Variants in PNPLA7 observed in about 807,000 individuals in gnomAD.
PNPLA7 encodes the protein patatin like domain 7, lysophospholipase, also known as patatin-like phospholipase domain-containing protein 7.
A neutral mutation model predicts 161.7 loss-of-function variants in PNPLA7; 153 were observed. That is an observed-to-expected ratio of 0.95 (90% CI 0.83 to 1.08). The LOEUF is 1.08. Ranked by LOEUF, PNPLA7 falls within the 50% of genes least tolerant of loss-of-function variation. PNPLA7 has a pLI of 0.00. For synonymous variants in PNPLA7, 809 were observed against 782.1 expected (o/e 1.03, Z -0.57); for missense variants, 1,739 against 1,856.6 (o/e 0.94, Z 1.16).
rs1197571043 is a variant in PNPLA7, at chr9:137,460,063, G to A, written c.*330C>T. On this transcript the variant is annotated 3_prime_UTR_variant, in exon 35 of 35. Coordinates refer to ENST00000406427, the MANE Select transcript of PNPLA7 (RefSeq NM_001098537.3). ...AGCAGGCAGTTCACAGGGCTTTGGG[G>A]GCCTCACAGGGCAGCAGGTGGTTCA... 1.0e-5 allele frequency: 3 copies of A among 294,628 alleles called. No homozygotes were observed. The highest frequency in any genetic ancestry group is 1.6e-4 in the East Asian group (2 of 12,450). 18.3% of individuals were successfully genotyped at this position (294,628 alleles called of 1,614,324 possible). A position where few individuals can be genotyped will look rare whatever the true frequency, so the allele number is the denominator to read the frequency against.
In PNPLA7 at chr9:137,490,749, T is replaced by C. The variant is rs1832723956; in HGVS notation, c.2197+2264A>G. 6.6e-6 allele frequency among the ~76,000 whole-genome samples: 1 copy of C among 152,184 alleles called. No homozygotes were observed. Among genetic ancestry groups the C allele is most frequent in the South Asian group, 2.1e-4 (1 of 4,830 alleles). On this transcript the variant is annotated intron_variant, in intron 20 of 34. Transcript: ENST00000406427. The surrounding 1 kb of genome is among the most constrained non-coding windows in gnomAD (Gnocchi z 4.1). ...AAATGAAAGAAGAGCAGGAGGACGG[T>C]GACCCTGGGTGAACATCACAGACTA...
chr9:137,523,220 G>C lies in PNPLA7; in HGVS notation c.748-363C>G, dbSNP rs368452791. ...CTACTCTACGTCCGACATCAGCGTC[G>C]GTACCCCTCGCCAAAGGGCGTGCCA... On this transcript the variant is annotated intron_variant, in intron 8 of 34. Coordinates refer to ENST00000406427, the MANE Select transcript of PNPLA7 (RefSeq NM_001098537.3). The surrounding 1 kb of genome is among the most constrained non-coding windows in gnomAD (Gnocchi z 4.4). Among the ~76,000 whole-genome samples, 3 of 152,188 alleles carry C rather than the reference G, an allele frequency of 2.0e-5. No individual in the cohort carries two copies. Among genetic ancestry groups the C allele is most frequent in the Admixed American group, 2.0e-4 (3 of 15,288 alleles).
intron 8 of PNPLA7, among the ~76,000 whole-genome samples, chr9:137,533,808 A>C (rs1835725591): frequency 6.8e-6 from 1 of 147,472 alleles, no homozygotes. Flanking sequence ...CCTCCCCAAC[A>C]GTGTCCACTC....
Position 137,467,431 on chromosome 9 carries a change from G to A in PNPLA7, c.2925C>T (p.Cys975=), listed in dbSNP as rs898670325. The A allele has an allele frequency of 8.1e-6, 13 of 1,613,102 alleles. No individual in the cohort carries two copies. Among genetic ancestry groups the A allele is most frequent in the Non-Finnish European group, 1.1e-5 (13 of 1,180,000 alleles). Residue 975 remains cysteine (C), a synonymous_variant, in exon 26 of 35, where the codon TGC becomes TGT. Transcript: ENST00000406427. The surrounding 1 kb of genome is among the most constrained non-coding windows in gnomAD (Gnocchi z 5.1). ...QVGVLKALAE[C]GIPVDMVGGT... ...CTCCCACCATGTCCACAGGGATGCC[G>A]CACTCCGCCAAGGCCTTGAGAACGC...
In PNPLA7 at chr9:137,497,242, T is replaced by G. The variant is rs141947742; in HGVS notation, c.1958A>C (p.Asp653Ala). 3.1e-6 allele frequency: 5 copies of G among 1,592,046 alleles called. No individual in the cohort carries two copies. In the African/African-American group the frequency reaches 4.1e-5, roughly 13 times the overall value. Residue 653 changes from aspartate (D) to alanine (A), a missense_variant, in exon 18 of 35, where the codon GAT (aspartate) becomes GCT (alanine). By Grantham distance (126) the Asp-to-Ala change is moderately radical. Around this residue, in one of 6 missense-constraint regions of PNPLA7, gnomAD observed 481 missense variants for 450.0 expected, o/e 1.07. Coordinates refer to ENST00000406427, the MANE Select transcript of PNPLA7 (RefSeq NM_001098537.3). ...SGRLRSVIRKDDGKKRLAGEY... is the reference protein window; with the variant it reads ...SGRLRSVIRKADGKKRLAGEY... The stretch of plus-strand genomic sequence containing the variant: ...CCCGGCCAGGCGCTTCTTCCCATCA[T>G]CCTTCCGGATCACAGAGCGCAGCCG...
At chr9:137,474,636 A>G (rs73567224) in intron 25 of PNPLA7, among the ~76,000 whole-genome samples, 412 of 152,320 alleles carry the variant, frequency 2.7e-3, no homozygotes, top group African/African-American at 9.1e-3. Context: ...AAAGTGGAAC[A>G]GAAGGACAGA....
rs55854515 is a variant in PNPLA7 at position 137,496,141 on chromosome 9, GTTT to G, written c.2014-998_2014-996del. Among the ~76,000 whole-genome samples, 367 of 138,244 alleles carry G rather than the reference GTTT, an allele frequency of 2.7e-3. 1 individual carries two copies. The highest frequency in any genetic ancestry group is 9.5e-3 in the African/African-American group (355 of 37,484). The allele number at this position is 138,244 out of a possible 152,430, so 90.7% of individuals were successfully genotyped here. ...TTCAGACGGAGTTTAGTTTTTTTTTGTTTTTTTTTTTTTGAGATAGAGTTTAGC... is the reference window on the plus strand; with the variant it reads ...TTCAGACGGAGTTTAGTTTTTTTTTGTTTTTTTTTTGAGATAGAGTTTAGC... On this transcript the variant is annotated intron_variant, in intron 18 of 34. Transcript: ENST00000406427.
chr9:137,546,767 T>A (rs1244766976), intron 4 of PNPLA7, 63 bp downstream of exon 4: 5 of 1,500,042 alleles, frequency 3.3e-6, no homozygotes, highest in Non-Finnish European at 4.6e-6. Flanking sequence ...GCAGAAGGGG[T>A]CCCTCCCACA....
Position 137,467,418 on chromosome 9 carries a change from C to G in PNPLA7, c.2938G>C (p.Asp980His), listed in dbSNP as rs2132081672. Reference protein sequence around the residue: ...KALAECGIPVDMVGGTSIGAF... With the variant: ...KALAECGIPVHMVGGTSIGAF... ...CCGATGGACGTGCCTCCCACCATGT[C>G]CACAGGGATGCCGCACTCCGCCAAG... is the stretch of plus-strand genomic sequence containing the variant. Residue 980 changes from aspartate to histidine, a missense_variant, in exon 26 of 35, where the codon GAC becomes CAC. Asp to His is a moderately conservative substitution (Grantham distance 81). This residue lies in a region of PNPLA7 where 703 missense variants were observed against 694.6 expected (regional missense o/e 1.01). Coordinates refer to ENST00000406427, the MANE Select transcript of PNPLA7 (RefSeq NM_001098537.3). This position sits in a 1 kb window ranked among gnomAD's most constrained non-coding sequence, Gnocchi z 5.1. 6.2e-7 allele frequency: 1 copy of G among 1,613,440 alleles called. No homozygotes were observed. Among genetic ancestry groups the G allele is most frequent in the African/African-American group, 1.3e-5 (1 of 75,046 alleles).
At chr9:137,475,718 T>C (rs1831920318) in intron 25 of PNPLA7, among the ~76,000 whole-genome samples, 1 of 151,518 alleles carries the variant, frequency 6.6e-6, no homozygotes, top group Non-Finnish European at 1.5e-5. Flanking sequence ...CCTACGAGGT[T>C]CCAGAAGAAA....
intron 8 of PNPLA7, among the ~76,000 whole-genome samples, chr9:137,526,330 T>C (rs7848838): frequency 0.26 from 39,552 of 151,902 alleles, 5,727 homozygotes; most frequent in East Asian, 0.67. Context: ...CACTTTGGAG[T>C]GCAATGGCGC....
chr9:137,549,333 C>T (rs1435053473), intron 1 of PNPLA7, among the ~76,000 whole-genome samples: 2 of 151,990 alleles, frequency 1.3e-5, no homozygotes, highest in Non-Finnish European at 2.9e-5. Flanking sequence ...TTTGGGAGGC[C>T]AAGGCGGGCG....
intron 29 of PNPLA7, 76 bp downstream of exon 29, chr9:137,463,339 G>A: frequency 3.8e-6 from 5 of 1,299,466 alleles, no homozygotes; most frequent in African/African-American, 1.5e-5. Context: ...AGCGGAGGCA[G>A]CTGTGGCAGG....
intron 8 of PNPLA7, among the ~76,000 whole-genome samples, chr9:137,535,430 T>C (rs767295305): frequency 6.6e-6 from 1 of 152,110 alleles, no homozygotes; most frequent in Non-Finnish European, 1.5e-5. Flanking sequence ...TTTTAAAAAT[T>C]AAAACATAAG....
At chr9:137,491,956 G>A (rs765395703) in intron 20 of PNPLA7, 23 of 985,354 alleles carry the variant, frequency 2.3e-5, no homozygotes, top group African/African-American at 1.6e-4. Flanking sequence ...TGCAGGACAC[G>A]CGGGAGCAGC....
Position 137,537,660 on chromosome 9 carries a change from T to TTCCCAC in PNPLA7, c.747+2976_747+2981dup, listed in dbSNP as rs2132597844. Among the ~76,000 whole-genome samples the TTCCCAC allele has an allele frequency of 6.6e-6, 1 of 152,172 alleles. No homozygotes were observed. The highest frequency in any genetic ancestry group is 2.4e-5 in the African/African-American group (1 of 41,498). The stretch of plus-strand genomic sequence containing the variant: ...TCCCACTACACTCAGGGAAGATCCA[T>TTCCCAC]TCCCACCCCTAAGGGAGAGGGGCTG... On this transcript the variant is annotated intron_variant, in intron 8 of 34. Transcript: ENST00000406427. The surrounding 1 kb of genome is among the most constrained non-coding windows in gnomAD (Gnocchi z 4.5).
At chr9:137,509,771 C>T (rs1417603104) in intron 12 of PNPLA7, 13 of 454,748 alleles carry the variant, frequency 2.9e-5, no homozygotes, top group Middle Eastern at 3.3e-4. Flanking sequence ...TGTCTGTGGG[C>T]GGCAAGCCAC....
At position 137,540,734 on chromosome 9, in the gene PNPLA7, G is replaced by A; in HGVS notation, c.667-12C>T. On this transcript the variant is annotated splice_polypyrimidine_tract_variant and intron_variant, in intron 7 of 34. Transcript: ENST00000406427. The surrounding 1 kb of genome is among the most constrained non-coding windows in gnomAD (Gnocchi z 5.1). The stretch of plus-strand genomic sequence containing the variant: ...ACCTCGGTGCCGTCCTGCGCTTGGA[G>A]AGCAGAGTGGGTGCCGTCAGGTCTG... 1 of 1,604,244 alleles carries A rather than the reference G, an allele frequency of 6.2e-7. No homozygotes were observed. The highest frequency in any genetic ancestry group is 1.1e-5 in the South Asian group (1 of 89,834).
At chr9:137,482,536 GA>G (rs2132155967) in intron 21 of PNPLA7, among the ~76,000 whole-genome samples, 1 of 152,358 alleles carries the variant, frequency 6.6e-6, no homozygotes, top group South Asian at 2.1e-4. Flanking sequence ...CAAAATTATA[GA>G]GATCGAGAAC....
Sources: gnomAD v4.1 joint callset for allele counts (sites outside exome capture counted in the v4.1 genomes callset) on GRCh38, gnomAD v4.1.1 for gene constraint, gnomAD v4.1.1 regional missense constraint, Gnocchi (gnomAD v3.1) non-coding constraint, MANE v1.5 for transcripts, NCBI Gene and HGNC (gene_info 2026-07-23, HGNC 2026-07-21) for gene names.